Variants in SHANK2 observed in about 807,000 individuals in gnomAD.
The protein encoded by SHANK2 is SH3 and multiple ankyrin repeat domains 2.
SHANK2 carries 43 observed loss-of-function variants against 133.7 expected under a neutral mutation model. The ratio of observed to expected loss-of-function variants is 0.32; its 90% confidence interval spans 0.25 to 0.41. The LOEUF is 0.41. Ranked by LOEUF, SHANK2 falls within the 10% of genes least tolerant of loss-of-function variation. SHANK2 has a pLI of 1.00. For synonymous variants in SHANK2, 1,017 were observed against 952.8 expected, an observed-to-expected ratio of 1.07 and a Z score of -1.24; for missense variants, 1,994 against 2,235.8, an observed-to-expected ratio of 0.89 and a Z score of 2.18.
intron 14 of SHANK2, among the ~76,000 whole-genome samples, chr11:70,748,270 C>T (rs1344757528): frequency 6.6e-6 from 1 of 152,156 alleles, no homozygotes; most frequent in Non-Finnish European, 1.5e-5. Flanking sequence ...CATAAATCAC[C>T]AAGAGACACG....
chr11:70,471,628 C>A lies in SHANK2; in HGVS notation c.*1241G>T, dbSNP rs1182909723. 5.2e-6 allele frequency: 2 copies of A among 384,538 alleles called. No homozygotes were observed. The highest frequency in any genetic ancestry group is 9.2e-6 in the Non-Finnish European group (2 of 218,044). The allele number at this position is 384,538 out of a possible 1,614,324, so 23.8% of individuals were successfully genotyped here. On this transcript the variant is annotated 3_prime_UTR_variant, in exon 26 of 26. Coordinates refer to ENST00000601538, the MANE Select transcript of SHANK2 (RefSeq NM_012309.5). This position sits in a 1 kb window ranked among gnomAD's most constrained non-coding sequence, Gnocchi z 4.1. ...CCTGGGTTCTGTCTATACTCCATAC[C>A]CACTGGGTCCTCAAAGAAGCTGTTG...
rs7128412 is a variant in SHANK2 at position 70,918,676 on chromosome 11, T to G, written c.1108-22109A>C. Among the ~76,000 whole-genome samples, 574 of 152,242 alleles carry G rather than the reference T, an allele frequency of 3.8e-3. 5 individuals carry two copies. Among genetic ancestry groups the G allele is most frequent in the African/African-American group, 0.013 (549 of 41,550 alleles). The stretch of plus-strand genomic sequence containing the variant: ...GCCCACAACTACACCTGGCTAATTT[T>G]CATATTTTTAGTACAGATGGGATTT... On this transcript the variant is annotated intron_variant, in intron 10 of 25. Coordinates refer to ENST00000601538, the MANE Select transcript of SHANK2 (RefSeq NM_012309.5).
intron 10 of SHANK2, among the ~76,000 whole-genome samples, chr11:70,898,307 C>CACAG (rs782381933): frequency 4.1e-4 from 62 of 149,404 alleles, no homozygotes; most frequent in Non-Finnish European, 5.6e-4. Flanking sequence ...CACACACACA[C>CACAG]ACACATATAT....
At chr11:70,855,111 C>A (rs544325145) in intron 11 of SHANK2, among the ~76,000 whole-genome samples, 1 of 152,358 alleles carries the variant, frequency 6.6e-6, no homozygotes, top group East Asian at 1.9e-4. Context: ...GCATATGGCC[C>A]AGTGGCTCTG....
intron 10 of SHANK2, among the ~76,000 whole-genome samples, chr11:70,940,181 T>C (rs868912361): frequency 1.1e-4 from 16 of 145,144 alleles, no homozygotes; most frequent in African/African-American, 4.4e-4. Context: ...CTTCCTTCCT[T>C]CCTTACTTCC....
At chr11:71,063,156 T>C (rs1951008561) in intron 9 of SHANK2, among the ~76,000 whole-genome samples, 1 of 152,184 alleles carries the variant, frequency 6.6e-6, no homozygotes, top group East Asian at 1.9e-4. Flanking sequence ...AAAGGACATG[T>C]ACTTCCTATA....
intron 10 of SHANK2, among the ~76,000 whole-genome samples, chr11:70,929,525 A>AGAGGTTC (rs1950474152): frequency 6.6e-6 from 1 of 151,992 alleles, no homozygotes; most frequent in Non-Finnish European, 1.5e-5. Context: ...TCTAGAGGCC[A>AGAGGTTC]TCTGCATTTT....
chr11:71,174,498 G>C (rs933615692), intron 2 of SHANK2, among the ~76,000 whole-genome samples: 1 of 152,046 alleles, frequency 6.6e-6, no homozygotes, highest in South Asian at 2.1e-4. Flanking sequence ...TGGCCAACAT[G>C]GTGAAACCCC....
intron 9 of SHANK2, among the ~76,000 whole-genome samples, chr11:71,063,857 C>A (rs1951015400): frequency 6.6e-6 from 1 of 152,192 alleles, no homozygotes; most frequent in Non-Finnish European, 1.5e-5. Context: ...ATAAATGTAC[C>A]TCCCCACGAA....
intron 2 of SHANK2, among the ~76,000 whole-genome samples, chr11:71,164,027 T>C (rs1276324433): frequency 6.6e-6 from 1 of 152,148 alleles, no homozygotes; most frequent in Admixed American, 6.5e-5. Context: ...GCACTTAGGA[T>C]CTAAAAGGAA....
chr11:70,951,837 G>A (rs761699521), intron 10 of SHANK2, among the ~76,000 whole-genome samples: 11 of 152,104 alleles, frequency 7.2e-5, no homozygotes, highest in Non-Finnish European at 1.2e-4. Context: ...CTTGGCTTGC[G>A]GCCACATCAC....
chr11:70,625,416 A>G (rs937734130), intron 17 of SHANK2, among the ~76,000 whole-genome samples: 5 of 152,100 alleles, frequency 3.3e-5, no homozygotes, highest in Non-Finnish European at 7.4e-5. Flanking sequence ...CTGATGTGGC[A>G]TGACCCAGAG....
rs1555153988 is a variant in SHANK2 at position 70,486,926 on chromosome 11, G to C, written c.3367C>G (p.Pro1123Ala). 6.2e-7 allele frequency: 1 copy of C among 1,612,484 alleles called. No individual in the cohort carries two copies. Among genetic ancestry groups the C allele is most frequent in the South Asian group, 1.1e-5 (1 of 91,078 alleles). ...GLGPPAPRTR[P>A]SMFPEEGDFA... ...TCCCCCTCCTCGGGGAACATGGAGG[G>C]CCGCGTCCTGGGGGCGGGTGGCCCC... Residue 1123 changes from proline to alanine, a missense_variant, in exon 25 of 26, where the codon CCC (proline) becomes GCC (alanine). By Grantham distance (27) the Pro-to-Ala change is conservative (BLOSUM62 -1). This residue lies in a region of SHANK2 where 797 missense variants were observed against 907.4 expected (regional missense o/e 0.88). Transcript: ENST00000601538. This position sits in a 1 kb window ranked among gnomAD's most constrained non-coding sequence, Gnocchi z 8.0.
chr11:70,481,348 G>T (rs1555151526), intron 25 of SHANK2, among the ~76,000 whole-genome samples: 1 of 152,214 alleles, frequency 6.6e-6, no homozygotes, highest in African/African-American at 2.4e-5. Context: ...CTCATTCACG[G>T]CTAAAGTTAA....
At chr11:70,637,116 C>CGT (rs1565202309) in intron 17 of SHANK2, among the ~76,000 whole-genome samples, 2 of 150,498 alleles carry the variant, frequency 1.3e-5, no homozygotes, top group African/African-American at 4.9e-5. Context: ...TGTATGTGCA[C>CGT]GTGTGTGGGT....
rs1345037648 is a variant in SHANK2, at chr11:70,914,659, C to CA, written c.1108-18093dup. Among the ~76,000 whole-genome samples, 5 of 17,192 alleles carry CA rather than the reference C, an allele frequency of 2.9e-4. No homozygotes were observed. The East Asian group carries it at 0.012, about 42-fold the overall frequency. 11.3% of individuals were successfully genotyped at this position (17,192 alleles called of 152,430 possible). A position where few individuals can be genotyped will look rare whatever the true frequency, so the allele number is the denominator to read the frequency against. ...GTCTTAAGCAAGAACCCTACCTCTA[C>CA]AAAAAAAATAAATAAAATAAAATAA... is the stretch of plus-strand genomic sequence containing the variant. On this transcript the variant is annotated intron_variant, in intron 10 of 25. Transcript: ENST00000601538.
intron 2 of SHANK2, among the ~76,000 whole-genome samples, chr11:71,214,847 G>A (rs76336673): frequency 0.035 from 5,292 of 152,338 alleles, 221 homozygotes; most frequent in East Asian, 0.14. Context: ...AGACCAGCAG[G>A]TGCTCGATGG....
At chr11:71,084,869 A>G (rs1405310329) in intron 8 of SHANK2, among the ~76,000 whole-genome samples, 1 of 152,196 alleles carries the variant, frequency 6.6e-6, no homozygotes, top group African/African-American at 2.4e-5. Context: ...GGAAACAGCA[A>G]TGAGAAGTAA....
At chr11:70,622,256 G>T (rs2136459042) in intron 17 of SHANK2, among the ~76,000 whole-genome samples, 1 of 152,200 alleles carries the variant, frequency 6.6e-6, no homozygotes, top group African/African-American at 2.4e-5. Flanking sequence ...CCCCGTCTCA[G>T]CAAAGGGCCC....
Sources: allele counts gnomAD v4.1 joint callset (sites outside exome capture counted in the v4.1 genomes callset), GRCh38; gene constraint gnomAD v4.1.1; regional missense constraint gnomAD v4.1.1; non-coding constraint Gnocchi (gnomAD v3.1); transcripts MANE v1.5; gene names NCBI Gene and HGNC (gene_info 2026-07-23, HGNC 2026-07-21).